The following STPG2 variants were observed in gnomAD, a reference collection of about 807,000 sequenced individuals.
STPG2 encodes the protein sperm tail PG-rich repeat containing 2.
STPG2 carries 56 observed loss-of-function variants against 54.2 expected under a neutral mutation model. The ratio of observed to expected loss-of-function variants is 1.03; its 90% CI spans 0.83 to 1.29. STPG2 has a LOEUF of 1.29. Ranked by LOEUF, STPG2 falls within the 50% of genes most tolerant of loss-of-function variation. The pLI, the probability that STPG2 is intolerant of heterozygous loss-of-function variation, is 0.00. For synonymous variants in STPG2, 200 were observed against 181.8 expected (o/e 1.10, Z -0.81); for missense variants, 596 against 544.9 (o/e 1.09, Z -0.93).
At chr4:97,877,659 A>G (rs1019973100) in intron 8 of STPG2, among the ~76,000 whole-genome samples, 1 of 152,154 alleles carries the variant, frequency 6.6e-6, no homozygotes, top group African/African-American at 2.4e-5. Flanking sequence ...ACTGTCTTCC[A>G]CTGGGTCCCT....
intron 10 of STPG2, among the ~76,000 whole-genome samples, chr4:97,648,509 T>C (rs2148951330): frequency 6.6e-6 from 1 of 152,292 alleles, no homozygotes; most frequent in African/African-American, 2.4e-5. Context: ...ATCGATCTTA[T>C]GCTTAAGGTA....
At chr4:97,698,218 T>C (rs1210733855) in intron 10 of STPG2, among the ~76,000 whole-genome samples, 1 of 152,126 alleles carries the variant, frequency 6.6e-6, no homozygotes, top group Non-Finnish European at 1.5e-5. Flanking sequence ...TCTGGGCCAT[T>C]TGTATTTCTG....
intron 9 of STPG2, among the ~76,000 whole-genome samples, chr4:97,823,185 A>G (rs1728139403): frequency 6.6e-6 from 1 of 152,254 alleles, no homozygotes; most frequent in Admixed American, 6.5e-5. Flanking sequence ...TGTAGACAAA[A>G]CAGTCTTATA....
At chr4:97,964,436 A>G (rs966161491) in intron 7 of STPG2, among the ~76,000 whole-genome samples, 1 of 152,218 alleles carries the variant, frequency 6.6e-6, no homozygotes, top group Non-Finnish European at 1.5e-5. Flanking sequence ...GTAGAAACAC[A>G]AAACACACAG....
intron 4 of STPG2, among the ~76,000 whole-genome samples, chr4:97,492,930 G>A (rs1730532253): frequency 6.7e-6 from 1 of 149,018 alleles, no homozygotes; most frequent in African/African-American, 2.5e-5. Flanking sequence ...CAGTCAAGAG[G>A]TAGAGTCTGC....
At chr4:97,899,818 G>C (rs1289004743) in intron 8 of STPG2, among the ~76,000 whole-genome samples, 1 of 151,798 alleles carries the variant, frequency 6.6e-6, no homozygotes, top group Non-Finnish European at 1.5e-5. Context: ...ACAAAAATCA[G>C]CTTAAGATGG....
intron 5 of STPG2, among the ~76,000 whole-genome samples, chr4:98,043,816 T>C (rs1269694955): frequency 2.0e-5 from 3 of 152,094 alleles, no homozygotes; most frequent in Non-Finnish European, 2.9e-5. Flanking sequence ...AGGTGTGTGA[T>C]ATAGGTAAAC....
intron 8 of STPG2, among the ~76,000 whole-genome samples, chr4:97,871,586 T>C (rs1729991511): frequency 6.6e-6 from 1 of 151,186 alleles, no homozygotes; most frequent in Non-Finnish European, 1.5e-5. Context: ...AAATACAGTT[T>C]ACTAACATCA....
At chr4:97,988,026 TCA>T (rs3047311) in intron 5 of STPG2, among the ~76,000 whole-genome samples, 48,844 of 141,282 alleles carry the variant, frequency 0.35, 8,366 homozygotes, top group Admixed American at 0.44. Context: ...GGTCTGAATG[TCA>T]CACACACACA....
intron 9 of STPG2, among the ~76,000 whole-genome samples, chr4:97,747,773 G>A (rs1725465399): frequency 6.6e-6 from 1 of 151,374 alleles, no homozygotes; most frequent in African/African-American, 2.4e-5. Context: ...AAATTTAAAA[G>A]TTAGGGCAGA....
intron 4 of STPG2, among the ~76,000 whole-genome samples, chr4:97,470,218 G>A (rs1358711929): frequency 1.3e-5 from 2 of 152,060 alleles, no homozygotes; most frequent in African/African-American, 2.4e-5. Flanking sequence ...GCATTGAGAT[G>A]AGAGAAATAT....
chr4:97,549,500 T>A (rs1731917662), intron 4 of STPG2, among the ~76,000 whole-genome samples: 4 of 152,120 alleles, frequency 2.6e-5, no homozygotes, highest in Admixed American at 2.6e-4. Flanking sequence ...CTAATTAGTA[T>A]ATGTAGGGGT....
At chr4:97,565,844 C>CT (rs1553938327) in intron 10 of STPG2, among the ~76,000 whole-genome samples, 2 of 114,326 alleles carry the variant, frequency 1.7e-5, no homozygotes, top group Non-Finnish European at 4.2e-5. Context: ...TCTGCCGCTA[C>CT]TGGGGGGTGC....
intron 8 of STPG2, among the ~76,000 whole-genome samples, chr4:97,845,645 T>C (rs759499143): frequency 1.6e-4 from 24 of 152,322 alleles, no homozygotes; most frequent in African/African-American, 5.1e-4. Flanking sequence ...GGAATCAAAA[T>C]AGCTACACCA....
chr4:97,724,601 G>T (rs1724559695), intron 9 of STPG2, among the ~76,000 whole-genome samples: 1 of 152,078 alleles, frequency 6.6e-6, no homozygotes, highest in African/African-American at 2.4e-5. Flanking sequence ...ATCAGTTCTA[G>T]TAGTTTCTGG....
At chr4:97,730,612 A>G (rs1560505041) in intron 9 of STPG2, among the ~76,000 whole-genome samples, 1 of 152,134 alleles carries the variant, frequency 6.6e-6, no homozygotes, top group Non-Finnish European at 1.5e-5. Flanking sequence ...ATCCTTACAT[A>G]TGTTTTCCAA....
At chr4:97,603,118 CA>C (rs1356071918) in intron 10 of STPG2, among the ~76,000 whole-genome samples, 2 of 151,400 alleles carry the variant, frequency 1.3e-5, no homozygotes, top group South Asian at 4.2e-4. Context: ...AACTCAACTA[CA>C]AAAAACAAAC....
chr4:97,926,660 G>C (rs1194380213), intron 8 of STPG2, among the ~76,000 whole-genome samples: 1 of 152,076 alleles, frequency 6.6e-6, no homozygotes, highest in Non-Finnish European at 1.5e-5. Flanking sequence ...CAAGACAAAG[G>C]AGCTTCTGGT....
intron 4 of STPG2, among the ~76,000 whole-genome samples, chr4:97,474,337 A>G (rs1437141711): frequency 6.6e-6 from 1 of 152,158 alleles, no homozygotes; most frequent in Non-Finnish European, 1.5e-5. Context: ...GTTAAAAGCA[A>G]TGGTCAAGGC....
Sources: gnomAD v4.1 joint callset for allele counts (sites outside exome capture counted in the v4.1 genomes callset) on GRCh38, gnomAD v4.1.1 for gene constraint, MANE v1.5 for transcripts, NCBI Gene and HGNC (gene_info 2026-07-23, HGNC 2026-07-21) for gene names.